The following ARHGAP8 variants were observed in gnomAD, a reference collection of about 807,000 sequenced individuals.
ARHGAP8 encodes the protein rho GTPase-activating protein 8.
ARHGAP8 carries 62 observed loss-of-function variants against 46.1 expected under a neutral mutation model. That is an observed-to-expected ratio of 1.34 (90% CI 1.10 to 1.66). The LOEUF is 1.66. Among genes scored for constraint, ARHGAP8 ranks in the 40% most tolerant of loss-of-function variants. The pLI, the probability that ARHGAP8 is intolerant of heterozygous loss-of-function variation, is 0.00. For synonymous variants in ARHGAP8, 375 were observed against 243.1 expected (o/e 1.54, Z -5.05); for missense variants, 923 against 568.4 (o/e 1.62, Z -6.34).
At chr22:44,844,600 T>C (rs972066742) in intron 7 of ARHGAP8, among the ~76,000 whole-genome samples, 1 of 151,976 alleles carries the variant, frequency 6.6e-6, no homozygotes, top group African/African-American at 2.4e-5. Context: ...GTAGCTGAGA[T>C]TACAGGTGTA....
intron 2 of ARHGAP8, among the ~76,000 whole-genome samples, chr22:44,787,689 G>A (rs367639373): frequency 2.6e-5 from 4 of 152,044 alleles, no homozygotes; most frequent in South Asian, 2.1e-4. Flanking sequence ...TCTCCCATGG[G>A]CAGTGAGTCC....
chr22:44,861,052 G>C (rs1296731040), intron 11 of ARHGAP8, among the ~76,000 whole-genome samples: 5 of 152,096 alleles, frequency 3.3e-5, no homozygotes, highest in African/African-American at 1.2e-4. Context: ...TGCCCTAGCT[G>C]GTGTGCACTG....
intron 2 of ARHGAP8, among the ~76,000 whole-genome samples, chr22:44,800,474 C>T (rs948947367): frequency 2.0e-5 from 3 of 152,188 alleles, no homozygotes; most frequent in Non-Finnish European, 4.4e-5. Context: ...GATAAGCAGA[C>T]CCAGTCCCAG....
intron 11 of ARHGAP8, among the ~76,000 whole-genome samples, 165 bp downstream of exon 11, chr22:44,859,999 A>T (rs572680179): frequency 7.2e-6 from 1 of 139,576 alleles, no homozygotes. Flanking sequence ...AGGCCTGGTC[A>T]GGCACCCATG....
In ARHGAP8 at chr22:44,860,015, GC is replaced by G. The variant is rs1484314921; in HGVS notation, c.981+182del. Among the ~76,000 whole-genome samples the G allele has an allele frequency of 4.2e-4, 46 of 110,494 alleles. No homozygotes were observed. The East Asian group carries it at 0.012, about 30-fold the overall frequency. The allele number at this position is 110,494 out of a possible 152,430, so 72.5% of individuals were successfully genotyped here. A position where few individuals can be genotyped will look rare whatever the true frequency, so the allele number is the denominator to read the frequency against. On this transcript the variant is annotated intron_variant, in intron 11 of 11. Coordinates refer to ENST00000356099, the MANE Select transcript of ARHGAP8 (RefSeq NM_181335.3). ...GGCCTGGTCAGGCACCCATGCTGCT[GC>G]GGACCTCCTGCCTGTCAGACAGGGC...
At chr22:44,843,158 A>G (rs548519411) in intron 7 of ARHGAP8, among the ~76,000 whole-genome samples, 5 of 152,342 alleles carry the variant, frequency 3.3e-5, no homozygotes, top group African/African-American at 1.2e-4. Flanking sequence ...AGTGGGTAAC[A>G]GTAGCCTGCC....
rs551808768 is a variant in ARHGAP8 at position 44,858,330 on chromosome 22, C to T, written c.878-1401C>T. ...GTGCATACATGTTCACACATGCACC[C>T]GCAGCGGGAACTTGGTGAATACTTG... On this transcript the variant is annotated intron_variant, in intron 10 of 11. Transcript: ENST00000356099. Among the ~76,000 whole-genome samples the T allele has an allele frequency of 1.7e-4, 25 of 150,582 alleles. No homozygotes were observed. The East Asian group carries it at 2.5e-3, about 15-fold the overall frequency.
intron 1 of ARHGAP8, among the ~76,000 whole-genome samples, chr22:44,780,965 G>A (rs6007286): frequency 5.9e-5 from 9 of 152,286 alleles, no homozygotes; most frequent in African/African-American, 1.4e-4. Flanking sequence ...GAAACCAGGC[G>A]ACAAAGGCCA....
intron 11 of ARHGAP8, among the ~76,000 whole-genome samples, chr22:44,861,970 T>G (rs1285981423): frequency 6.6e-6 from 1 of 152,018 alleles, no homozygotes; most frequent in Non-Finnish European, 1.5e-5. Context: ...CTACAGCCCA[T>G]CCCCAAGATT....
chr22:44,804,259 G>A (rs879396705), intron 3 of ARHGAP8, among the ~76,000 whole-genome samples: 2 of 151,948 alleles, frequency 1.3e-5, no homozygotes, highest in Non-Finnish European at 2.9e-5. Flanking sequence ...TGGCCACACT[G>A]CTTTCATAAG....
At chr22:44,816,019 G>C (rs531427948) in intron 5 of ARHGAP8, among the ~76,000 whole-genome samples, 2 of 152,256 alleles carry the variant, frequency 1.3e-5, no homozygotes, top group African/African-American at 4.8e-5. Context: ...GAGGGCGGGA[G>C]GACTCCTGGA....
intron 3 of ARHGAP8, among the ~76,000 whole-genome samples, chr22:44,807,824 C>A (rs1172318554): frequency 6.6e-6 from 1 of 152,196 alleles, no homozygotes; most frequent in Admixed American, 6.5e-5. Flanking sequence ...CTGGTGGCCA[C>A]ATCATGCTGT....
intron 4 of ARHGAP8, among the ~76,000 whole-genome samples, chr22:44,813,161 G>A (rs188371414): frequency 9.1e-4 from 138 of 152,188 alleles, no homozygotes; most frequent in Non-Finnish European, 1.5e-3. Flanking sequence ...CTGGACAAGC[G>A]GAGTGCTTGT....
intron 4 of ARHGAP8, chr22:44,809,063 C>A: frequency 2.1e-6 from 1 of 467,266 alleles, no homozygotes; most frequent in Non-Finnish European, 4.4e-6. Context: ...TCAAGCGATC[C>A]TCCCACCTCA....
intron 7 of ARHGAP8, among the ~76,000 whole-genome samples, chr22:44,840,041 C>T (rs1186109740): frequency 1.3e-5 from 2 of 152,308 alleles, no homozygotes; most frequent in South Asian, 2.1e-4. Context: ...GATGTTCCCA[C>T]GGTAGCTGTG....
At chr22:44,842,388 C>G (rs1201711311) in intron 7 of ARHGAP8, among the ~76,000 whole-genome samples, 1 of 152,048 alleles carries the variant, frequency 6.6e-6, no homozygotes, top group Non-Finnish European at 1.5e-5. Flanking sequence ...AAAAACAGCA[C>G]AGGTCTTGCA....
rs1337876743 is a variant in ARHGAP8 at position 44,822,367 on chromosome 22, T to C, written c.387-4T>C. 1 of 1,581,146 alleles carries C rather than the reference T, an allele frequency of 6.3e-7. No individual in the cohort carries two copies. The highest frequency in any genetic ancestry group is 1.2e-5 in the South Asian group (1 of 84,454). The stretch of plus-strand genomic sequence containing the variant: ...TCTTTATTCTCTTGCTTCTGCTTTC[T>C]TAGTCACAAGTTTGGGAAGAAAGTC... On this transcript the variant is annotated splice_polypyrimidine_tract_variant and splice_region_variant and intron_variant, in intron 5 of 11. Coordinates refer to ENST00000356099, the MANE Select transcript of ARHGAP8 (RefSeq NM_181335.3).
At chr22:44,788,494 C>T (rs1927440356) in intron 2 of ARHGAP8, among the ~76,000 whole-genome samples, 2 of 151,992 alleles carry the variant, frequency 1.3e-5, no homozygotes, top group African/African-American at 2.4e-5. Flanking sequence ...ACTGCAGCCT[C>T]ACCCTCCCAA....
At chr22:44,809,625 C>A in intron 4 of ARHGAP8, 6 of 178,700 alleles carry the variant, frequency 3.4e-5, no homozygotes, top group Admixed American at 5.9e-5. Context: ...CCTCCCTCTC[C>A]CACCCAACGC....
Sources: allele counts gnomAD v4.1 joint callset (sites outside exome capture counted in the v4.1 genomes callset), GRCh38; gene constraint gnomAD v4.1.1; transcripts MANE v1.5; gene names NCBI Gene and HGNC (gene_info 2026-07-23, HGNC 2026-07-21).